VPS8: variants seen among roughly 807,000 people sequenced by gnomAD.
The protein encoded by VPS8 is VPS8 subunit of CORVET complex.
Under a neutral mutation model 216.4 loss-of-function variants are expected in VPS8, and 129 were observed. That is an observed-to-expected ratio of 0.60 (90% confidence interval 0.52 to 0.69). The LOEUF (loss-of-function observed/expected upper bound fraction) is 0.69. Ranked by LOEUF, VPS8 falls within the 30% of genes least tolerant of loss-of-function variation. The pLI is 0.00. For synonymous variants in VPS8, 571 were observed against 565.4 expected, an observed-to-expected ratio of 1.01 and a Z score of -0.14; for missense variants, 1,531 against 1,683.5, an observed-to-expected ratio of 0.91 and a Z score of 1.59.
chr3:184,982,481 A>G (rs1750373566), intron 40 of VPS8, 85 bp from the exon 41 acceptor site: 1 of 955,830 alleles, frequency 1.0e-6, no homozygotes, highest in African/African-American at 1.6e-5. Flanking sequence ...CCTGTAAAAC[A>G]TCATGCTGAT....
At chr3:184,837,243 C>CT (rs1721271247) in intron 5 of VPS8, among the ~76,000 whole-genome samples, 1 of 151,892 alleles carries the variant, frequency 6.6e-6, no homozygotes, top group Non-Finnish European at 1.5e-5. Context: ...CAGGTGACTT[C>CT]TGATTCCATT....
intron 36 of VPS8, among the ~76,000 whole-genome samples, chr3:184,953,979 C>T (rs1745155035): frequency 6.6e-6 from 1 of 152,180 alleles, no homozygotes; most frequent in Non-Finnish European, 1.5e-5. Context: ...AGGTGCCGAG[C>T]ATAAGCCCCA....
intron 34 of VPS8, among the ~76,000 whole-genome samples, chr3:184,935,527 T>C (rs532166148): frequency 1.3e-5 from 2 of 152,288 alleles, no homozygotes; most frequent in East Asian, 3.9e-4. Context: ...TTGGTCTTTG[T>C]GTTTTAGCCG....
At chr3:184,950,814 G>A (rs1744573664) in intron 36 of VPS8, among the ~76,000 whole-genome samples, 1 of 152,114 alleles carries the variant, frequency 6.6e-6, no homozygotes, top group African/African-American at 2.4e-5. Flanking sequence ...GAGAACATCT[G>A]ATGTTTGGTT....
chr3:184,875,056 CTTTTTTT>C (rs5855044), intron 21 of VPS8, among the ~76,000 whole-genome samples: 5 of 100,290 alleles, frequency 5.0e-5, no homozygotes, highest in South Asian at 3.5e-4. Flanking sequence ...GTTTTTAAAA[CTTTTTTT>C]TTTTTTTTTT....
chr3:184,816,966 T>A (rs1716464273), intron 1 of VPS8, among the ~76,000 whole-genome samples: 1 of 152,304 alleles, frequency 6.6e-6, no homozygotes, highest in African/African-American at 2.4e-5. Flanking sequence ...AGATAATAGA[T>A]GAAATCCTGC....
chr3:184,926,761 A>C (rs527271585), intron 31 of VPS8, 111 bp downstream of exon 31: 1 of 1,055,182 alleles, frequency 9.5e-7, no homozygotes, highest in African/African-American at 1.6e-5. Context: ...CTTGTGCCAA[A>C]CCCTAATACG....
chr3:184,974,412 C>CT (rs1748932854), intron 40 of VPS8, among the ~76,000 whole-genome samples: 1 of 151,848 alleles, frequency 6.6e-6, no homozygotes, highest in South Asian at 2.1e-4. Context: ...TTATTTAGTT[C>CT]TTTTTTGCTA....
chr3:185,049,267 GCCA>G (rs1713651129), intron 47 of VPS8, among the ~76,000 whole-genome samples: 1 of 152,196 alleles, frequency 6.6e-6, no homozygotes, highest in African/African-American at 2.4e-5. Context: ...ATCAGTCACT[GCCA>G]CCACATCAGA....
intron 36 of VPS8, among the ~76,000 whole-genome samples, chr3:184,942,534 G>A (rs527429482): frequency 6.1e-4 from 93 of 152,150 alleles, no homozygotes; most frequent in Middle Eastern, 3.4e-3. Context: ...CTAGCTTTAC[G>A]TTTGTCTACC....
intron 40 of VPS8, 76 bp from the exon 41 acceptor site, chr3:184,982,490 A>G (rs1178324794): frequency 1.6e-5 from 16 of 1,019,026 alleles, no homozygotes; most frequent in South Asian, 8.5e-5. Context: ...CATCATGCTG[A>G]TGTTAGTTAT....
chr3:184,888,372 C>A (rs547325690), intron 22 of VPS8, among the ~76,000 whole-genome samples: 12 of 152,278 alleles, frequency 7.9e-5, no homozygotes, highest in Non-Finnish European at 1.6e-4. Context: ...CCACAAATAC[C>A]TTTGTGTCTC....
At chr3:184,985,039 A>G (rs1677718334) in intron 42 of VPS8, among the ~76,000 whole-genome samples, 1 of 152,208 alleles carries the variant, frequency 6.6e-6, no homozygotes, top group African/African-American at 2.4e-5. Context: ...GTTAACTCCC[A>G]CTAATCAGGA....
chr3:184,815,629 T>G (rs2108459031), intron 1 of VPS8, among the ~76,000 whole-genome samples: 1 of 152,264 alleles, frequency 6.6e-6, no homozygotes, highest in Non-Finnish European at 1.5e-5. Flanking sequence ...AAGAATGTGA[T>G]GTGCCTACTC....
intron 37 of VPS8, among the ~76,000 whole-genome samples, chr3:184,962,742 T>TGC (rs2109535090): frequency 7.1e-6 from 1 of 139,900 alleles, no homozygotes; most frequent in African/African-American, 2.5e-5. Context: ...TGTGTGTGTG[T>TGC]GTGTGTGTGT....
intron 29 of VPS8, chr3:184,922,414 T>C: frequency 2.2e-6 from 1 of 454,936 alleles, no homozygotes; most frequent in South Asian, 1.6e-5. Flanking sequence ...ATTACTGTTT[T>C]GGTCATTGTT....
Position 184,997,426 on chromosome 3 carries a change from C to T in VPS8, c.3836+925C>T, listed in dbSNP as rs188492122. On this transcript the variant is annotated intron_variant, in intron 44 of 47. Coordinates refer to ENST00000625842, the MANE Select transcript of VPS8 (RefSeq NM_001009921.3). Reference sequence around the variant, plus strand: ...ATAAGGCACTTGTAACAGTGCCTGGCATGAGTAAGCACTATCTGAGTGTTA... The same window carrying T: ...ATAAGGCACTTGTAACAGTGCCTGGTATGAGTAAGCACTATCTGAGTGTTA... Among the ~76,000 whole-genome samples, 21 of 152,342 alleles carry T rather than the reference C, an allele frequency of 1.4e-4. No homozygotes were observed. In the South Asian group the frequency reaches 1.5e-3, roughly 11 times the overall value.
chr3:184,891,399 T>C (rs936914364), intron 22 of VPS8, among the ~76,000 whole-genome samples: 1 of 152,218 alleles, frequency 6.6e-6, no homozygotes, highest in African/African-American at 2.4e-5. Context: ...AAAATTTTAT[T>C]AGGGTGGTGC....
chr3:184,860,401 A>C (rs1030455815), intron 15 of VPS8, among the ~76,000 whole-genome samples: 1 of 151,248 alleles, frequency 6.6e-6, no homozygotes, highest in Non-Finnish European at 1.5e-5. Context: ...ATATGTATGT[A>C]TACGTATATA....
Sources: gnomAD v4.1 joint callset for allele counts (sites outside exome capture counted in the v4.1 genomes callset) on GRCh38, gnomAD v4.1.1 for gene constraint, MANE v1.5 for transcripts, NCBI Gene and HGNC (gene_info 2026-07-23, HGNC 2026-07-21) for gene names.